ATP10B: variants seen among roughly 807,000 people sequenced by gnomAD.
ATP10B encodes the protein phospholipid-transporting ATPase VB.
In ATP10B, 122 loss-of-function variants were observed where a neutral mutation model predicts 141.2. The observed-to-expected ratio is 0.86, with a 90% CI of 0.75 to 1.00. ATP10B has a LOEUF of 1.00. Ranked by LOEUF, ATP10B falls within the 50% of genes least tolerant of loss-of-function variation. The probability of loss-of-function intolerance (pLI) is 0.00; values close to 1 mark genes in which losing one functional copy is unlikely to be tolerated. For missense variants in ATP10B, 1,876 were observed against 1,825.3 expected, an observed-to-expected ratio of 1.03 and a Z score of -0.51; for synonymous variants, 685 against 692.0, an observed-to-expected ratio of 0.99 and a Z score of 0.16.
chr5:160,600,688 T>C (rs1375932439), intron 21 of ATP10B, among the ~76,000 whole-genome samples: 1 of 152,352 alleles, frequency 6.6e-6, no homozygotes, highest in African/African-American at 2.4e-5. Context: ...TCTGCCTAAC[T>C]GGAATCTTTG....
chr5:160,739,126 A>G (rs1767300308), intron 2 of ATP10B, among the ~76,000 whole-genome samples: 1 of 152,234 alleles, frequency 6.6e-6, no homozygotes, highest in South Asian at 2.1e-4. Context: ...AAAATATTCT[A>G]TGAAATCCAA....
chr5:160,715,498 G>A (rs1434308202), intron 3 of ATP10B, among the ~76,000 whole-genome samples: 2 of 143,190 alleles, frequency 1.4e-5, no homozygotes, highest in African/African-American at 5.2e-5. Flanking sequence ...ACACACACTG[G>A]CCTGCGCCCA....
chr5:160,745,697 T>TG (rs1767766303), intron 2 of ATP10B, among the ~76,000 whole-genome samples: 4 of 152,248 alleles, frequency 2.6e-5, no homozygotes, highest in Admixed American at 2.6e-4. Context: ...TGCTGGGCTT[T>TG]GACACATACA....
intron 1 of ATP10B, among the ~76,000 whole-genome samples, chr5:160,804,387 G>A (rs1427946932): frequency 2.0e-5 from 3 of 152,168 alleles, no homozygotes; most frequent in Non-Finnish European, 4.4e-5. Flanking sequence ...AATATAGAGA[G>A]TGTTCTATAA....
intron 6 of ATP10B, among the ~76,000 whole-genome samples, chr5:160,680,773 G>A (rs1763339734): frequency 6.6e-6 from 1 of 152,206 alleles, no homozygotes; most frequent in African/African-American, 2.4e-5. Flanking sequence ...GTATAACCTA[G>A]TTAGTACAAT....
intron 8 of ATP10B, among the ~76,000 whole-genome samples, chr5:160,645,440 C>T (rs561309420): frequency 8.6e-4 from 131 of 152,348 alleles, no homozygotes; most frequent in African/African-American, 3.1e-3. Flanking sequence ...CCACATCACT[C>T]ACTCGGCCTC....
the ATP10B span, among the ~76,000 whole-genome samples, chr5:160,893,077 T>A: frequency 2.4e-3 from 372 of 152,190 alleles, no homozygotes; most frequent in Non-Finnish European, 4.3e-3. Context: ...CTCGGGTGCC[T>A]ACACCACCAG....
chr5:160,589,811 C>T lies in ATP10B; in HGVS notation c.3646-115G>A, dbSNP rs544578528. On this transcript the variant is annotated intron_variant, in intron 23 of 25. Coordinates refer to ENST00000327245, the MANE Select transcript of ATP10B (RefSeq NM_025153.3). Reference sequence around the variant, plus strand: ...AGTTGTCAATGGAGAAGGAGGTACCCAGCTGCCATCTGTGTGGTACTGATC... The same window carrying T: ...AGTTGTCAATGGAGAAGGAGGTACCTAGCTGCCATCTGTGTGGTACTGATC... The T allele has an allele frequency of 2.8e-4, 207 of 738,434 alleles. 1 individual carries two copies. The South Asian group carries it at 3.3e-3, about 12-fold the overall frequency. The allele number at this position is 738,434 out of a possible 1,614,324, so 45.7% of individuals were successfully genotyped here.
At chr5:160,891,250 C>A in the ATP10B span, among the ~76,000 whole-genome samples, 3 of 152,172 alleles carry the variant, frequency 2.0e-5, no homozygotes, top group Non-Finnish European at 4.4e-5. Flanking sequence ...TGTCCTCATG[C>A]TACTTTGCCA....
intron 2 of ATP10B, among the ~76,000 whole-genome samples, chr5:160,739,885 C>T (rs1468214130): frequency 1.3e-5 from 2 of 152,010 alleles, no homozygotes; most frequent in Non-Finnish European, 2.9e-5. Flanking sequence ...CTATGTTGCC[C>T]AGGCTAGATT....
intron 7 of ATP10B, among the ~76,000 whole-genome samples, chr5:160,663,074 C>T (rs1181619732): frequency 7.2e-4 from 109 of 152,270 alleles, no homozygotes; most frequent in Middle Eastern, 3.4e-3. Context: ...AAATGCAAAT[C>T]AAAACCACAA....
Position 160,632,355 on chromosome 5 carries a change from T to A in ATP10B, c.1394A>T (p.Glu465Val). 6.2e-7 allele frequency: 1 copy of A among 1,614,078 alleles called. No homozygotes were observed. Among genetic ancestry groups the A allele is most frequent in the Non-Finnish European group, 8.5e-7 (1 of 1,179,948 alleles). Residue 465 changes from glutamate (E) to valine (V), a missense_variant, in exon 13 of 26, where the codon GAG becomes GTG. Coordinates refer to ENST00000327245, the MANE Select transcript of ATP10B (RefSeq NM_025153.3). ...YSHQENAKRL[E>V]TPKELDSDGE... is the part of the protein sequence containing the mutation. ...ATCTGAGTCCAGCTCCTTTGGGGTC[T>A]CCAGTCGCTTAGCTGCAAGAAAGGA...
intron 24 of ATP10B, among the ~76,000 whole-genome samples, chr5:160,573,528 A>T (rs1397061179): frequency 6.6e-6 from 1 of 152,194 alleles, no homozygotes; most frequent in Non-Finnish European, 1.5e-5. Flanking sequence ...GCAGGAGATG[A>T]GTGGCTGGTG....
chr5:160,571,023 T>G (rs1437027510), intron 24 of ATP10B, among the ~76,000 whole-genome samples: 1 of 152,202 alleles, frequency 6.6e-6, no homozygotes, highest in Non-Finnish European at 1.5e-5. Flanking sequence ...TTTGTCTTTT[T>G]GATCTATAGT....
intron 7 of ATP10B, among the ~76,000 whole-genome samples, chr5:160,652,868 A>G (rs1414355978): frequency 1.5e-5 from 1 of 66,128 alleles, no homozygotes; most frequent in Non-Finnish European, 2.9e-5. Context: ...ATTATATATA[A>G]TATATATAAT....
chr5:160,587,624 C>T (rs1755995569), intron 24 of ATP10B, among the ~76,000 whole-genome samples: 1 of 152,114 alleles, frequency 6.6e-6, no homozygotes, highest in Non-Finnish European at 1.5e-5. Context: ...GTTTGTAGTT[C>T]TCCTTTAAGA....
chr5:160,808,238 A>G (rs1581570972), intron 1 of ATP10B, among the ~76,000 whole-genome samples: 1 of 152,202 alleles, frequency 6.6e-6, no homozygotes. Flanking sequence ...TGTTTGTGTA[A>G]GAAAAAAAGA....
intron 17 of ATP10B, among the ~76,000 whole-genome samples, chr5:160,615,577 G>C (rs1299082947): frequency 6.6e-6 from 1 of 152,030 alleles, no homozygotes; most frequent in Non-Finnish European, 1.5e-5. Context: ...GAAGGGAAGA[G>C]TGTGCTGTTG....
chr5:160,660,133 T>G (rs1334539076), intron 7 of ATP10B, among the ~76,000 whole-genome samples: 1 of 152,222 alleles, frequency 6.6e-6, no homozygotes, highest in Admixed American at 6.5e-5. Context: ...CTAAAAAACC[T>G]CTATTCTTGA....
Sources: allele counts gnomAD v4.1 joint callset (sites outside exome capture counted in the v4.1 genomes callset), GRCh38; gene constraint gnomAD v4.1.1; transcripts MANE v1.5; gene names NCBI Gene and HGNC (gene_info 2026-07-23, HGNC 2026-07-21).